SAMSN1: variants seen among roughly 807,000 people sequenced by gnomAD.
SAMSN1 encodes SAM domain-containing protein SAMSN-1.
SAMSN1 carries 31 observed loss-of-function variants against 42.0 expected under a neutral mutation model. That is an observed-to-expected ratio of 0.74 (90% CI 0.55 to 1.00). The LOEUF is 1.00. Ranked by LOEUF, SAMSN1 falls within the 50% of genes least tolerant of loss-of-function variation. The pLI is 0.00. For missense variants in SAMSN1, 464 were observed against 439.4 expected (o/e 1.06, Z -0.50); for synonymous variants, 178 against 151.9 (o/e 1.17, Z -1.26).
At chr21:14,626,538 A>C (rs993824942) in intron 2 of SAMSN1, among the ~76,000 whole-genome samples, 4 of 152,214 alleles carry the variant, frequency 2.6e-5, no homozygotes, top group Non-Finnish European at 4.4e-5. Flanking sequence ...AATGCTCATC[A>C]CTGGCCATCA....
chr21:14,596,737 C>A (rs1268412007), intron 6 of SAMSN1, among the ~76,000 whole-genome samples: 3 of 152,034 alleles, frequency 2.0e-5, no homozygotes, highest in African/African-American at 7.2e-5. Flanking sequence ...GGTCACCTAC[C>A]TATAGCCATG....
intron 2 of SAMSN1, among the ~76,000 whole-genome samples, chr21:14,626,345 C>A (rs1015649676): frequency 6.6e-6 from 1 of 152,116 alleles, no homozygotes; most frequent in Non-Finnish European, 1.5e-5. Flanking sequence ...AACAGGCAAC[C>A]TATAGAGTGG....
At chr21:14,648,037 G>A (rs1460661723) in intron 1 of SAMSN1, among the ~76,000 whole-genome samples, 3 of 148,796 alleles carry the variant, frequency 2.0e-5, no homozygotes, top group Non-Finnish European at 4.5e-5. Flanking sequence ...AATAGGAGTG[G>A]TGAGAGAGGG....
chr21:14,582,414 T>A lies in SAMSN1; in HGVS notation c.-18A>T, dbSNP rs1212963168. ...ATCTCCATTTCTTCCTTCCTCCTCG[T>A]GCTAACACTATTCACTTTCTTTTCT... On this transcript the variant is annotated 5_prime_UTR_variant, in exon 2 of 9. Coordinates refer to the SAMSN1 transcript ENST00000285670. The A allele has an allele frequency of 1.7e-5, 26 of 1,548,772 alleles. No homozygotes were observed. The Admixed American group carries it at 3.9e-4, about 23-fold the overall frequency.
At chr21:14,561,048 G>T (rs1048238587) in intron 2 of SAMSN1, among the ~76,000 whole-genome samples, 2 of 152,110 alleles carry the variant, frequency 1.3e-5, no homozygotes, top group African/African-American at 2.4e-5. Context: ...CTGCTCAGGG[G>T]TCATGTAGCC....
At chr21:14,575,033 A>C (rs555797711) in intron 2 of SAMSN1, among the ~76,000 whole-genome samples, 1 of 152,182 alleles carries the variant, frequency 6.6e-6, no homozygotes, top group Non-Finnish European at 1.5e-5. Flanking sequence ...TTCTTTTAAT[A>C]AGATCACGTA....
intron 6 of SAMSN1, among the ~76,000 whole-genome samples, chr21:14,595,719 G>A (rs546242084): frequency 2.0e-5 from 3 of 152,226 alleles, no homozygotes; most frequent in East Asian, 3.9e-4. Flanking sequence ...TAAATGTAAG[G>A]CAAGTTTGGT....
intron 6 of SAMSN1, among the ~76,000 whole-genome samples, chr21:14,600,804 G>A (rs1982408815): frequency 6.6e-6 from 1 of 152,110 alleles, no homozygotes; most frequent in Non-Finnish European, 1.5e-5. Flanking sequence ...TTAGGAAAAT[G>A]AGACTGCTTG....
chr21:14,487,382 T>C (rs537076809), intron 7 of SAMSN1, among the ~76,000 whole-genome samples: 2 of 151,952 alleles, frequency 1.3e-5, no homozygotes, highest in Non-Finnish European at 2.9e-5. Flanking sequence ...AAAATGCATT[T>C]TCTAGTTTCC....
chr21:14,576,952 T>C (rs1394032305), intron 2 of SAMSN1, among the ~76,000 whole-genome samples: 1 of 151,814 alleles, frequency 6.6e-6, no homozygotes, highest in African/African-American at 2.4e-5. Flanking sequence ...TTTTTAAACA[T>C]TTTCACACTA....
intron 2 of SAMSN1, among the ~76,000 whole-genome samples, chr21:14,622,097 G>C (rs1298724500): frequency 1.3e-5 from 2 of 152,156 alleles, no homozygotes; most frequent in Admixed American, 6.5e-5. Context: ...CAAACAGAAA[G>C]GACATCCACA....
At chr21:14,605,699 CA>C (rs1982545197) in intron 5 of SAMSN1, among the ~76,000 whole-genome samples, 1 of 151,920 alleles carries the variant, frequency 6.6e-6, no homozygotes, top group Non-Finnish European at 1.5e-5. Flanking sequence ...GGTTTCAAAC[CA>C]ATGGTAATTC....
chr21:14,504,855 C>T lies in SAMSN1; in HGVS notation c.562-4120G>A, dbSNP rs568458026. ...TCTTAAGAGCAATGAGACAAATGGA[C>T]CAGGTAACCCATAAAGGAAAACCTA... On this transcript the variant is annotated intron_variant, in intron 5 of 7. Transcript: ENST00000400566. 2.6e-5 allele frequency among the ~76,000 whole-genome samples: 4 copies of T among 152,270 alleles called. No individual in the cohort carries two copies. In the East Asian group the frequency reaches 7.7e-4, roughly 29 times the overall value.
chr21:14,504,510 G>A (rs1600869000), intron 5 of SAMSN1, among the ~76,000 whole-genome samples: 1 of 152,142 alleles, frequency 6.6e-6, no homozygotes, highest in African/African-American at 2.4e-5. Context: ...GAAATTCAGA[G>A]CTCAAAGGCA....
chr21:14,515,254 A>G (rs1435533824), intron 3 of SAMSN1, among the ~76,000 whole-genome samples: 1 of 152,224 alleles, frequency 6.6e-6, no homozygotes, highest in Non-Finnish European at 1.5e-5. Flanking sequence ...GGATTGAAAA[A>G]GAGAATGGAC....
intron 2 of SAMSN1, among the ~76,000 whole-genome samples, chr21:14,575,359 TA>T (rs1226291867): frequency 6.6e-6 from 1 of 152,206 alleles, no homozygotes; most frequent in Non-Finnish European, 1.5e-5. Context: ...TCAAGTATAT[TA>T]ATTTTAGCAC....
intron 1 of SAMSN1, among the ~76,000 whole-genome samples, chr21:14,543,492 C>A (rs1033532855): frequency 2.0e-5 from 3 of 152,066 alleles, no homozygotes; most frequent in African/African-American, 4.8e-5. Flanking sequence ...GACTGAAAAT[C>A]TATTGCTACA....
chr21:14,506,101 A>C (rs1450954629), intron 5 of SAMSN1, among the ~76,000 whole-genome samples: 1 of 150,640 alleles, frequency 6.6e-6, no homozygotes, highest in Non-Finnish European at 1.5e-5. Context: ...GCATAGCCCT[A>C]AACACCTACA....
intron 4 of SAMSN1, among the ~76,000 whole-genome samples, chr21:14,512,004 G>C (rs935103847): frequency 2.6e-5 from 4 of 151,954 alleles, no homozygotes; most frequent in African/African-American, 9.7e-5. Context: ...AAGTGGTCGG[G>C]GGAGAAAGAA....
Sources: allele counts gnomAD v4.1 joint callset (sites outside exome capture counted in the v4.1 genomes callset), GRCh38; gene constraint gnomAD v4.1.1; transcripts MANE v1.5; gene names NCBI Gene and HGNC (gene_info 2026-07-23, HGNC 2026-07-21).